Variants in SPINDOC observed in about 807,000 individuals in gnomAD.
SPINDOC encodes spindlin interactor and repressor of chromatin-binding protein.
SPINDOC carries 13 observed loss-of-function variants against 30.7 expected under a neutral mutation model. That is an observed-to-expected ratio of 0.42 (90% CI 0.28 to 0.67). The LOEUF (loss-of-function observed/expected upper bound fraction) is 0.67, where lower values mean the gene tolerates loss of function less well. SPINDOC is among the 30% of genes least tolerant of loss of function. The probability of loss-of-function intolerance (pLI) is 0.22; values close to 1 mark genes in which losing one functional copy is unlikely to be tolerated. For missense variants in SPINDOC, 438 were observed against 518.0 expected, an observed-to-expected ratio of 0.85 and a Z score of 1.50; for synonymous variants, 228 against 211.4, an observed-to-expected ratio of 1.08 and a Z score of -0.68.
At position 63,827,214 on chromosome 11, in the gene SPINDOC, C is replaced by T; in HGVS notation, c.*75C>T. 6.4e-7 allele frequency: 1 copy of T among 1,561,178 alleles called. No individual in the cohort carries two copies. The highest frequency in any genetic ancestry group is 1.4e-5 in the African/African-American group (1 of 74,024). On this transcript the variant is annotated 3_prime_UTR_variant, in exon 6 of 6. Coordinates refer to ENST00000294244, the MANE Select transcript of SPINDOC (RefSeq NM_138471.3). Reference sequence around the variant, plus strand: ...TGGCTTATAACTCAGAGCTGCCTGGCTCACCCACCTGGTGGAGAGAGTAGA... The same window carrying T: ...TGGCTTATAACTCAGAGCTGCCTGGTTCACCCACCTGGTGGAGAGAGTAGA...
Position 63,819,002 on chromosome 11 carries a change from G to T in SPINDOC, c.934G>T (p.Ala312Ser). The stretch of plus-strand genomic sequence containing the variant: ...TCCCCGGGCGGAGAGCCCCTCTCCA[G>T]GTGAGCCCTCCTGAGAGGGAAGCAC... Reference protein sequence around the residue: ...GLPRAESPSPAPPPGLRGTLD... With the variant: ...GLPRAESPSPSPPPGLRGTLD... Residue 312 changes from alanine to serine, a missense_variant and splice_region_variant, in exon 5 of 6, where the codon GCT becomes TCT. Ala to Ser is a moderately conservative substitution (Grantham distance 99). This residue lies in a region of SPINDOC where 300 missense variants were observed against 332.8 expected (regional missense o/e 0.90). Coordinates refer to ENST00000294244, the MANE Select transcript of SPINDOC (RefSeq NM_138471.3). 6.2e-7 allele frequency: 1 copy of T among 1,612,322 alleles called. No homozygotes were observed.
At chr11:63,826,271 C>T (rs2015653276) in intron 5 of SPINDOC, among the ~76,000 whole-genome samples, 2 of 152,154 alleles carry the variant, frequency 1.3e-5, no homozygotes, top group South Asian at 2.1e-4. Context: ...GTCCCTGTTG[C>T]GTGCTCGTTT....
chr11:63,815,070 A>C (rs2015303348), intron 1 of SPINDOC, among the ~76,000 whole-genome samples: 1 of 152,264 alleles, frequency 6.6e-6, no homozygotes, highest in African/African-American at 2.4e-5. Flanking sequence ...CTAAAGACAG[A>C]GAAATAGGTT....
intron 1 of SPINDOC, among the ~76,000 whole-genome samples, 175 bp from the exon 2 acceptor site, chr11:63,817,630 C>G (rs370531747): frequency 6.6e-6 from 1 of 152,116 alleles, no homozygotes; most frequent in Non-Finnish European, 1.5e-5. Context: ...CCGGGCACAT[C>G]GGCTGTGTTG....
intron 5 of SPINDOC, among the ~76,000 whole-genome samples, chr11:63,825,897 A>G (rs909333745): frequency 6.6e-6 from 1 of 152,160 alleles, no homozygotes; most frequent in Non-Finnish European, 1.5e-5. Context: ...TAGACAGTGC[A>G]GTAGTTGAAA....
At position 63,827,162 on chromosome 11, in the gene SPINDOC, A is replaced by G; in HGVS notation, c.*23A>G. ...TAAATTCTTGCTTTCCTGGGGAGGG[A>G]GGGAGGGATGAGGCAGCGTCCCCCA... On this transcript the variant is annotated 3_prime_UTR_variant, in exon 6 of 6. Coordinates refer to ENST00000294244, the MANE Select transcript of SPINDOC (RefSeq NM_138471.3). The G allele has an allele frequency of 5.0e-6, 3 of 600,014 alleles. No individual in the cohort carries two copies. The highest frequency in any genetic ancestry group is 1.9e-5 in the African/African-American group (1 of 51,668). The allele number at this position is 600,014 out of a possible 1,614,324, so 37.2% of individuals were successfully genotyped here.
chr11:63,823,093 C>T, intron 5 of SPINDOC: 5 of 1,250,710 alleles, frequency 4.0e-6, no homozygotes, highest in Non-Finnish European at 5.2e-6. Flanking sequence ...TGGGAGATGG[C>T]ATGAGTGAGA....
At position 63,817,994 on chromosome 11, in the gene SPINDOC, C is replaced by T; in HGVS notation, c.317C>T (p.Ala106Val). ...ATCCGGGCACCCTCGGCCGACACAG[C>T]TCGCTCGCACATCTTGGAGCAGCAC... ...AEIRAPSADT[A>V]RSHILEQHPH... Residue 106 changes from alanine (A) to valine (V), a missense_variant, in exon 2 of 6, where the codon GCT (alanine) becomes GTT (valine). Around this residue, in one of 3 missense-constraint regions of SPINDOC, gnomAD observed 129 missense variants for 152.7 expected, o/e 0.84. Coordinates refer to ENST00000294244, the MANE Select transcript of SPINDOC (RefSeq NM_138471.3). 1.9e-6 allele frequency: 3 copies of T among 1,614,210 alleles called. No homozygotes were observed. The highest frequency in any genetic ancestry group is 2.5e-6 in the Non-Finnish European group (3 of 1,180,030).
chr11:63,826,425 A>C (rs974910297), intron 5 of SPINDOC, among the ~76,000 whole-genome samples: 3 of 152,074 alleles, frequency 2.0e-5, no homozygotes, highest in Non-Finnish European at 4.4e-5. Flanking sequence ...TCAGGAGATA[A>C]AGAGCCTGGT....
In SPINDOC at chr11:63,813,625, C is replaced by CGGCTGCGCGCCGAA; in HGVS notation, c.-60_-47dup. The CGGCTGCGCGCCGAA allele has an allele frequency of 1.4e-6, 2 of 1,421,578 alleles. No homozygotes were observed. Among genetic ancestry groups the CGGCTGCGCGCCGAA allele is most frequent in the South Asian group, 2.7e-5 (2 of 72,998 alleles). 88.1% of individuals were successfully genotyped at this position (1,421,578 alleles called of 1,614,324 possible). On this transcript the variant is annotated 5_prime_UTR_variant, in exon 1 of 6. Transcript: ENST00000294244. ...CGGCCAGGAGGCGGGAGGCGGTTGC[C>CGGCTGCGCGCCGAA]GGCTGCGCGCCGAAGCCTGCGCGCC...
At chr11:63,826,273 T>C (rs530040067) in intron 5 of SPINDOC, among the ~76,000 whole-genome samples, 1 of 152,232 alleles carries the variant, frequency 6.6e-6, no homozygotes, top group African/African-American at 2.4e-5. Context: ...CCCTGTTGCG[T>C]GCTCGTTTTT....
intron 1 of SPINDOC, among the ~76,000 whole-genome samples, chr11:63,817,604 C>G (rs936254730): frequency 6.6e-6 from 1 of 152,060 alleles, no homozygotes; most frequent in Admixed American, 6.6e-5. Flanking sequence ...AGTATAGACG[C>G]GAGAGTCGTG....
intron 1 of SPINDOC, among the ~76,000 whole-genome samples, chr11:63,814,437 T>A (rs922568162): frequency 6.6e-6 from 1 of 152,170 alleles, no homozygotes; most frequent in African/African-American, 2.4e-5. Context: ...AGCAGTGCAG[T>A]GCTAGAACGA....
rs2015394729 is a variant in SPINDOC, at chr11:63,818,102, T to C, written c.425T>C (p.Val142Ala). The change falls in exon 2 of 6, where the codon GTG becomes GCG. Residue 142 changes from valine (V) to alanine (A), a missense_variant. Val to Ala is a moderately conservative substitution (Grantham distance 64, BLOSUM62 0). Coordinates refer to ENST00000294244, the MANE Select transcript of SPINDOC (RefSeq NM_138471.3). The surrounding 1 kb of genome is among the most constrained non-coding windows in gnomAD (Gnocchi z 5.3). ...WSEGVALLQD[V>A]RAEQPSPPNS... The stretch of plus-strand genomic sequence containing the variant: ...GAAGGGGTGGCCCTCTTGCAAGACG[T>C]GAGAGCTGAGCAGCCGTCCCCACCC... The C allele has an allele frequency of 1.9e-6, 3 of 1,613,708 alleles. No individual in the cohort carries two copies. The highest frequency in any genetic ancestry group is 2.5e-6 in the Non-Finnish European group (3 of 1,179,944).
chr11:63,817,728 C>A, intron 1 of SPINDOC, 77 bp from the exon 2 acceptor site: 1 of 1,317,088 alleles, frequency 7.6e-7, no homozygotes, highest in Non-Finnish European at 1.0e-6. Context: ...ACTCAAACCA[C>A]TGAGTCTGGA....
At chr11:63,817,547 G>T (rs56225126) in intron 1 of SPINDOC, among the ~76,000 whole-genome samples, 28 of 152,212 alleles carry the variant, frequency 1.8e-4, no homozygotes, top group Non-Finnish European at 3.8e-4. Context: ...AGCCTGTTGG[G>T]AAAGTATGTG....
At position 63,819,009 on chromosome 11, in the gene SPINDOC, C is replaced by A; in HGVS notation, c.934+7C>A. ...GCGGAGAGCCCCTCTCCAGGTGAGC[C>A]CTCCTGAGAGGGAAGCACAGTAGGG... On this transcript the variant is annotated splice_region_variant and intron_variant, in intron 5 of 5. Transcript: ENST00000294244. The A allele has an allele frequency of 6.2e-7, 1 of 1,602,500 alleles. No individual in the cohort carries two copies.
intron 5 of SPINDOC, among the ~76,000 whole-genome samples, chr11:63,824,211 G>C (rs1359628050): frequency 1.3e-5 from 2 of 152,140 alleles, no homozygotes; most frequent in African/African-American, 4.8e-5. Flanking sequence ...CACCTGGCCG[G>C]TCCTTCTCTT....
chr11:63,819,057 G>C, intron 5 of SPINDOC, 55 bp downstream of exon 5: 1 of 1,274,682 alleles, frequency 7.8e-7, no homozygotes, highest in Non-Finnish European at 1.0e-6. Context: ...GCGCTCCTGG[G>C]CCAGGCCTCA....
Sources: gnomAD v4.1 joint callset for allele counts (sites outside exome capture counted in the v4.1 genomes callset) on GRCh38, gnomAD v4.1.1 for gene constraint, gnomAD v4.1.1 regional missense constraint, Gnocchi (gnomAD v3.1) non-coding constraint, MANE v1.5 for transcripts, NCBI Gene and HGNC (gene_info 2026-07-23, HGNC 2026-07-21) for gene names.